Variants in CALCRL observed in about 807,000 individuals in gnomAD.
CALCRL encodes calcitonin receptor like receptor.
Under a neutral mutation model 60.4 loss-of-function variants are expected in CALCRL, and 27 were observed. The observed-to-expected ratio is 0.45, with a 90% confidence interval of 0.33 to 0.62. The LOEUF is 0.62. Among genes scored for constraint, CALCRL ranks in the 20% least tolerant of loss-of-function variants. The pLI, the probability that CALCRL is intolerant of heterozygous loss-of-function variation, is 0.03. For synonymous variants in CALCRL, 190 were observed against 182.6 expected (o/e 1.04, Z -0.33); for missense variants, 424 against 540.7 (o/e 0.78, Z 2.14).
chr2:187,431,386 C>T (rs1173017974), intron 1 of CALCRL: 1 of 154,888 alleles, frequency 6.5e-6, no homozygotes, highest in Non-Finnish European at 1.5e-5. Flanking sequence ...GAGAACATTC[C>T]TGTGAATTTG....
At chr2:187,367,348 T>C (rs917083717) in intron 8 of CALCRL, among the ~76,000 whole-genome samples, 1 of 152,164 alleles carries the variant, frequency 6.6e-6, no homozygotes, top group Non-Finnish European at 1.5e-5. Flanking sequence ...TAAAATACTA[T>C]TTAGTTTCTT....
At chr2:187,424,707 G>A (rs1690041725) in intron 1 of CALCRL, among the ~76,000 whole-genome samples, 1 of 151,918 alleles carries the variant, frequency 6.6e-6, no homozygotes, top group South Asian at 2.1e-4. Context: ...AAGGAGAAAT[G>A]GCAGATTTGA....
At chr2:187,430,123 A>G (rs747134543) in intron 1 of CALCRL, among the ~76,000 whole-genome samples, 15 of 152,236 alleles carry the variant, frequency 9.9e-5, no homozygotes, top group Non-Finnish European at 2.2e-4. Flanking sequence ...ATAAGTAGGC[A>G]TTTTGAGCAT....
At chr2:187,386,505 G>A (rs1688210980) in intron 3 of CALCRL, among the ~76,000 whole-genome samples, 1 of 152,146 alleles carries the variant, frequency 6.6e-6, no homozygotes, top group Non-Finnish European at 1.5e-5. Flanking sequence ...AGGGAGTGAA[G>A]AGTATCGAAT....
intron 12 of CALCRL, among the ~76,000 whole-genome samples, chr2:187,358,018 ACT>A (rs998552816): frequency 6.6e-6 from 1 of 151,798 alleles, no homozygotes; most frequent in Non-Finnish European, 1.5e-5. Flanking sequence ...GATCTCTAAT[ACT>A]CTCTGAGACA....
Position 187,387,383 on chromosome 2 carries a change from A to G in CALCRL, c.-91T>C, listed in dbSNP as rs556716086. 1 of 171,876 alleles carries G rather than the reference A, an allele frequency of 5.8e-6. No homozygotes were observed. Among genetic ancestry groups the G allele is most frequent in the Admixed American group, 6.3e-5 (1 of 15,842 alleles). 10.6% of individuals were successfully genotyped at this position (171,876 alleles called of 1,614,324 possible). A position where few individuals can be genotyped will look rare whatever the true frequency, so the allele number is the denominator to read the frequency against. ...CAACCTTGTCAAGTTGTGGTTGACAAATTGAAGTTTGCAGCAGTCTTGTCA... is the reference window on the plus strand; with the variant it reads ...CAACCTTGTCAAGTTGTGGTTGACAGATTGAAGTTTGCAGCAGTCTTGTCA... On this transcript the variant is annotated 5_prime_UTR_variant, in exon 3 of 15. Transcript: ENST00000392370.
chr2:187,430,962 C>T (rs549905417), intron 1 of CALCRL, among the ~76,000 whole-genome samples: 1 of 151,828 alleles, frequency 6.6e-6, no homozygotes, highest in South Asian at 2.1e-4. Flanking sequence ...GCTAATTTTA[C>T]AAAATAACTA....
At chr2:187,381,021 A>G (rs1269429259) in intron 5 of CALCRL, among the ~76,000 whole-genome samples, 1 of 152,152 alleles carries the variant, frequency 6.6e-6, no homozygotes, top group Admixed American at 6.5e-5. Context: ...TAAAGTTTAG[A>G]TTTAATTTTA....
chr2:187,444,444 A>G (rs531132343), intron 1 of CALCRL, among the ~76,000 whole-genome samples: 1 of 151,746 alleles, frequency 6.6e-6, no homozygotes, highest in East Asian at 1.9e-4. Context: ...AACACATTTA[A>G]TTTAAACCAT....
intron 1 of CALCRL, among the ~76,000 whole-genome samples, chr2:187,408,773 A>G (rs1689237798): frequency 6.6e-6 from 1 of 152,088 alleles, no homozygotes; most frequent in South Asian, 2.1e-4. Flanking sequence ...TACAGTGGAG[A>G]TAATTATATT....
In CALCRL at chr2:187,360,756, G is replaced by T; in HGVS notation, c.628-5C>A. ...CTGGGACACTTTGCAACTAACCTGT[G>T]AGGAAAAAAAAAACCCCAATATTTA... is the stretch of plus-strand genomic sequence containing the variant. On this transcript the variant is annotated splice_region_variant and splice_polypyrimidine_tract_variant and intron_variant, in intron 9 of 14. Transcript: ENST00000392370. The T allele has an allele frequency of 1.3e-6, 2 of 1,582,760 alleles. No homozygotes were observed. The highest frequency in any genetic ancestry group is 1.7e-6 in the Non-Finnish European group (2 of 1,169,762).
At chr2:187,353,037 C>A (rs1338015537) in intron 12 of CALCRL, among the ~76,000 whole-genome samples, 2 of 151,856 alleles carry the variant, frequency 1.3e-5, no homozygotes, top group East Asian at 3.9e-4. Flanking sequence ...ACAGTAGTTT[C>A]TTTGGATGGG....
chr2:187,415,864 C>T, intron 1 of CALCRL: 1 of 306,636 alleles, frequency 3.3e-6, no homozygotes, highest in Non-Finnish European at 6.1e-6. Context: ...GCACCACCAG[C>T]CCCAGCAAGA....
chr2:187,385,437 T>TA, intron 4 of CALCRL, 108 bp downstream of exon 4: 1 of 625,992 alleles, frequency 1.6e-6, no homozygotes, highest in Non-Finnish European at 2.8e-6. Context: ...CAATTGGATA[T>TA]AAAAATGTAA....
At chr2:187,411,014 G>C (rs904158236) in intron 1 of CALCRL, among the ~76,000 whole-genome samples, 4 of 152,018 alleles carry the variant, frequency 2.6e-5, no homozygotes, top group Admixed American at 6.5e-5. Context: ...TTGTCTGGTG[G>C]GTGACAGAAG....
intron 1 of CALCRL, among the ~76,000 whole-genome samples, chr2:187,435,512 A>C (rs563452442): frequency 5.9e-5 from 9 of 152,160 alleles, no homozygotes; most frequent in Non-Finnish European, 1.3e-4. Context: ...TTTGGAGAGG[A>C]CAAACATCCA....
chr2:187,442,181 T>TGC (rs1410541778), intron 1 of CALCRL: 1 of 149,020 alleles, frequency 6.7e-6, no homozygotes, highest in Non-Finnish European at 1.5e-5. Context: ...CACATATATG[T>TGC]GTGTATATAT....
chr2:187,447,680 G>T (rs755544671), intron 1 of CALCRL, among the ~76,000 whole-genome samples: 7 of 151,818 alleles, frequency 4.6e-5, no homozygotes, highest in Non-Finnish European at 1.0e-4. Flanking sequence ...ACCCTTCCGG[G>T]GGGAGAAATG....
At chr2:187,429,253 C>CA (rs1161813501) in intron 1 of CALCRL, among the ~76,000 whole-genome samples, 2,591 of 143,682 alleles carry the variant, frequency 0.018, 56 homozygotes, top group African/African-American at 0.057. Flanking sequence ...TAAAACCATA[C>CA]AAAAAAAAAA....
Sources: allele counts gnomAD v4.1 joint callset (sites outside exome capture counted in the v4.1 genomes callset), GRCh38; gene constraint gnomAD v4.1.1; transcripts MANE v1.5; gene names NCBI Gene and HGNC (gene_info 2026-07-23, HGNC 2026-07-21).